The following MEOX2 variants were observed in gnomAD, a reference collection of about 807,000 sequenced individuals.
MEOX2 encodes homeobox protein MOX-2.
MEOX2 carries 11 observed loss-of-function variants against 27.0 expected under a neutral mutation model. The ratio of observed to expected loss-of-function variants is 0.41; its 90% CI spans 0.26 to 0.68. MEOX2 has a LOEUF of 0.68. MEOX2 is among the 30% of genes least tolerant of loss of function. The pLI, the probability that MEOX2 is intolerant of heterozygous loss-of-function variation, is 0.33. For synonymous variants in MEOX2, 189 were observed against 155.4 expected, an observed-to-expected ratio of 1.22 and a Z score of -1.61; for missense variants, 436 against 385.4, an observed-to-expected ratio of 1.13 and a Z score of -1.10.
intron 2 of MEOX2, among the ~76,000 whole-genome samples, chr7:15,625,865 C>T (rs1325650448): frequency 6.6e-6 from 1 of 152,060 alleles, no homozygotes; most frequent in African/African-American, 2.4e-5. Flanking sequence ...ACCTAAAAAG[C>T]AATTAATTTA....
At chr7:15,630,348 G>A (rs2115363006) in intron 1 of MEOX2, among the ~76,000 whole-genome samples, 2 of 152,180 alleles carry the variant, frequency 1.3e-5, no homozygotes, top group East Asian at 3.9e-4. Context: ...CCTAGTGCAA[G>A]AGAATGCCAA....
chr7:15,673,876 A>G (rs2115392766), intron 1 of MEOX2, among the ~76,000 whole-genome samples: 1 of 152,292 alleles, frequency 6.6e-6, no homozygotes, highest in Non-Finnish European at 1.5e-5. Context: ...AGAAAATATC[A>G]GAACATTGTC....
intron 2 of MEOX2, among the ~76,000 whole-genome samples, chr7:15,624,160 T>C (rs2115358417): frequency 6.6e-6 from 1 of 152,354 alleles, no homozygotes; most frequent in Non-Finnish European, 1.5e-5. Context: ...ATTCAGATTT[T>C]TTTCATAACA....
chr7:15,683,341 C>A (rs1346349887), intron 1 of MEOX2, among the ~76,000 whole-genome samples: 1 of 151,962 alleles, frequency 6.6e-6, no homozygotes, highest in Non-Finnish European at 1.5e-5. Flanking sequence ...TAATTATAAA[C>A]TACCTAACAA....
chr7:15,631,933 G>GTGTGTGTGTGTGTGTGTGTGTGTGT (rs66500166), intron 1 of MEOX2, among the ~76,000 whole-genome samples: 784 of 32,436 alleles, frequency 0.024, 12 homozygotes, highest in African/African-American at 0.043. Context: ...TGTGTGTGTG[G>GTGTGTGTGTGTGTGTGTGTGTGTGT]AGAGAAAGAG....
intron 1 of MEOX2, among the ~76,000 whole-genome samples, chr7:15,652,196 C>T (rs930520337): frequency 1.3e-5 from 2 of 152,038 alleles, no homozygotes; most frequent in African/African-American, 4.8e-5. Context: ...CATGCTTTTA[C>T]TGTTCAAAAG....
chr7:15,677,457 T>G (rs1036680835), intron 1 of MEOX2: 1 of 152,232 alleles, frequency 6.6e-6, no homozygotes, highest in Non-Finnish European at 1.5e-5. Context: ...TTCGGTTGAC[T>G]CTTAGGGTTG....
chr7:15,626,150 G>A (rs1781301445), intron 2 of MEOX2, among the ~76,000 whole-genome samples: 2 of 152,080 alleles, frequency 1.3e-5, no homozygotes, highest in Admixed American at 1.3e-4. Context: ...ACATTTAAAG[G>A]TCAGTGCATA....
intron 1 of MEOX2, among the ~76,000 whole-genome samples, chr7:15,672,124 G>A (rs1405302674): frequency 2.0e-5 from 3 of 151,782 alleles, no homozygotes; most frequent in South Asian, 2.1e-4. Flanking sequence ...AAAACAAAGT[G>A]ATCAATTGAA....
chr7:15,673,461 C>T (rs916182964), intron 1 of MEOX2, among the ~76,000 whole-genome samples: 2 of 151,822 alleles, frequency 1.3e-5, no homozygotes, highest in Admixed American at 1.3e-4. Context: ...AATACACACA[C>T]AGAAGTGCAT....
chr7:15,619,429 C>T (rs960379860), intron 2 of MEOX2, among the ~76,000 whole-genome samples: 1 of 151,786 alleles, frequency 6.6e-6, no homozygotes, highest in Non-Finnish European at 1.5e-5. Context: ...TTTTTGCTTC[C>T]CTAGTGAGGA....
intron 1 of MEOX2, among the ~76,000 whole-genome samples, chr7:15,652,715 G>T (rs1781751867): frequency 6.6e-6 from 1 of 151,860 alleles, no homozygotes; most frequent in Admixed American, 6.6e-5. Context: ...CTATTTATAT[G>T]GAATAATACA....
rs1026958173 is a variant in MEOX2 at position 15,674,554 on chromosome 7, TTCTG to T, written c.517+11328_517+11331del. On this transcript the variant is annotated intron_variant, in intron 1 of 2. Coordinates refer to ENST00000262041, the MANE Select transcript of MEOX2 (RefSeq NM_005924.5). Reference sequence around the variant, plus strand: ...AAATTAAAATTAATTAGATAAAAGATTCTGTGTGTGTGTGTGTGTGTGTGTGTGT... The same window carrying T: ...AAATTAAAATTAATTAGATAAAAGATTGTGTGTGTGTGTGTGTGTGTGTGT... 9.1e-3 allele frequency among the ~76,000 whole-genome samples: 1,366 copies of T among 149,792 alleles called. 22 individuals carry two copies. Among genetic ancestry groups the T allele is most frequent in the African/African-American group, 0.031 (1,283 of 40,806 alleles).
intron 1 of MEOX2, among the ~76,000 whole-genome samples, chr7:15,631,685 A>G (rs1465500878): frequency 1.3e-5 from 2 of 151,844 alleles, no homozygotes; most frequent in Non-Finnish European, 2.9e-5. Context: ...AGCAATAGCT[A>G]CTTACATAAG....
At chr7:15,652,830 G>C (rs77129333) in intron 1 of MEOX2, among the ~76,000 whole-genome samples, 3,907 of 152,032 alleles carry the variant, frequency 0.026, 86 homozygotes, top group Admixed American at 0.054. Context: ...TAATTGCTGA[G>C]TGGTTTTCCA....
chr7:15,683,277 C>T (rs535466032), intron 1 of MEOX2, among the ~76,000 whole-genome samples: 1 of 151,920 alleles, frequency 6.6e-6, no homozygotes, highest in African/African-American at 2.4e-5. Flanking sequence ...AATTTTGGTC[C>T]TGACTTTACC....
chr7:15,666,570 G>A (rs997926557), intron 1 of MEOX2, among the ~76,000 whole-genome samples: 2 of 151,366 alleles, frequency 1.3e-5, no homozygotes, highest in Middle Eastern at 3.4e-3. Context: ...TGGGCAACAC[G>A]GTGAAACCCT....
chr7:15,671,912 A>G (rs555484866), intron 1 of MEOX2, among the ~76,000 whole-genome samples: 23 of 151,416 alleles, frequency 1.5e-4, no homozygotes, highest in Non-Finnish European at 2.4e-4. Flanking sequence ...AATAATACTA[A>G]TCTCTACTAA....
intron 2 of MEOX2, among the ~76,000 whole-genome samples, chr7:15,620,313 A>C (rs1156631930): frequency 6.6e-6 from 1 of 152,206 alleles, no homozygotes; most frequent in Non-Finnish European, 1.5e-5. Flanking sequence ...AATTAACATG[A>C]ATAGACAATA....
Sources: gnomAD v4.1 joint callset for allele counts (sites outside exome capture counted in the v4.1 genomes callset) on GRCh38, gnomAD v4.1.1 for gene constraint, MANE v1.5 for transcripts, NCBI Gene and HGNC (gene_info 2026-07-23, HGNC 2026-07-21) for gene names.